Variants in NUP210 observed in about 807,000 individuals in gnomAD.
The protein encoded by NUP210 is nuclear pore membrane glycoprotein 210.
A neutral mutation model predicts 196.0 loss-of-function variants in NUP210; 151 were observed. The observed-to-expected ratio is 0.77, with a 90% CI of 0.67 to 0.88. NUP210 has a LOEUF of 0.88. Ranked by LOEUF, NUP210 falls within the 40% of genes least tolerant of loss-of-function variation. The pLI, the probability that NUP210 is intolerant of heterozygous loss-of-function variation, is 0.00. For missense variants in NUP210, 2,314 were observed against 2,493.7 expected, an observed-to-expected ratio of 0.93 and a Z score of 1.53; for synonymous variants, 1,070 against 1,052.7, an observed-to-expected ratio of 1.02 and a Z score of -0.32.
At chr3:13,344,930 C>A in intron 20 of NUP210, 1 of 985,466 alleles carries the variant, frequency 1.0e-6, no homozygotes, top group Non-Finnish European at 1.2e-6. Flanking sequence ...CCTGCATCCA[C>A]GTCAGCTCCT....
rs2124915936 is a variant in NUP210, at chr3:13,375,753, G to C, written c.1294-112C>G. The C allele has an allele frequency of 1.7e-6, 2 of 1,201,314 alleles. 1 individual carries two copies. Among genetic ancestry groups the C allele is most frequent in the Middle Eastern group, 5.7e-4 (2 of 3,500 alleles). The allele number at this position is 1,201,314 out of a possible 1,614,324, so 74.4% of individuals were successfully genotyped here. The stretch of plus-strand genomic sequence containing the variant: ...GGGATCGGGTCACAAAGGTGGATTT[G>C]GGGGAAGAGTGGAGAGGAAGGTGCC... On this transcript the variant is annotated intron_variant, in intron 10 of 39. Coordinates refer to ENST00000254508, the MANE Select transcript of NUP210 (RefSeq NM_024923.4).
intron 4 of NUP210, 145 bp downstream of exon 4, chr3:13,391,066 G>T: frequency 1.6e-6 from 1 of 636,424 alleles, no homozygotes; most frequent in Non-Finnish European, 2.8e-6. Flanking sequence ...TCCTCAATCA[G>T]ACACTCGGAA....
In NUP210 at chr3:13,323,562, C is replaced by A; in HGVS notation, c.4645-130G>T. ...TTTCACAGGTGGCAACACTGAGGCT[C>A]AAAGCCTAAACGCCTTGCTAGAATG... On this transcript the variant is annotated intron_variant, in intron 33 of 39. Transcript: ENST00000254508. This position sits in a 1 kb window ranked among gnomAD's most constrained non-coding sequence, Gnocchi z 4.3. 2.9e-6 allele frequency: 3 copies of A among 1,045,378 alleles called. No homozygotes were observed. The highest frequency in any genetic ancestry group is 4.2e-6 in the Non-Finnish European group (3 of 720,430). 64.8% of individuals were successfully genotyped at this position (1,045,378 alleles called of 1,614,324 possible). A position where few individuals can be genotyped will look rare whatever the true frequency, so the allele number is the denominator to read the frequency against.
At chr3:13,353,179 T>C (rs893415394) in intron 18 of NUP210, among the ~76,000 whole-genome samples, 2 of 152,144 alleles carry the variant, frequency 1.3e-5, no homozygotes, top group South Asian at 4.2e-4. Context: ...AAGAGGACAA[T>C]AGAAGTGCCT....
chr3:13,329,879 C>A (rs1015154885), intron 30 of NUP210, among the ~76,000 whole-genome samples: 19 of 152,230 alleles, frequency 1.2e-4, no homozygotes, highest in Admixed American at 1.2e-3. Flanking sequence ...CGGCCCAAAC[C>A]AGACAGACCC....
At chr3:13,394,100 A>G (rs1467403200) in intron 3 of NUP210, among the ~76,000 whole-genome samples, 1 of 152,174 alleles carries the variant, frequency 6.6e-6, no homozygotes, top group African/African-American at 2.4e-5. Flanking sequence ...CATCGAAGGG[A>G]AGAACAAGTC....
intron 1 of NUP210, among the ~76,000 whole-genome samples, chr3:13,412,170 C>A (rs1018012203): frequency 6.6e-6 from 1 of 151,810 alleles, no homozygotes; most frequent in Admixed American, 6.6e-5. Context: ...CCTCCTGCCT[C>A]AGCCTCAGGA....
intron 12 of NUP210, 108 bp downstream of exon 12, chr3:13,373,610 G>T (rs560520973): frequency 8.7e-7 from 1 of 1,146,652 alleles, no homozygotes; most frequent in East Asian, 2.4e-5. Flanking sequence ...CTAAGTACAG[G>T]ACCCAAGGTT....
chr3:13,351,696 C>T (rs755403186), intron 20 of NUP210, 183 bp downstream of exon 20: 22 of 569,246 alleles, frequency 3.9e-5, no homozygotes, highest in African/African-American at 3.4e-4. Context: ...GGGGGTCTCA[C>T]TATATTGTCC....
At chr3:13,407,967 A>G (rs189040931) in intron 1 of NUP210, among the ~76,000 whole-genome samples, 585 of 152,272 alleles carry the variant, frequency 3.8e-3, no homozygotes, top group Non-Finnish European at 6.2e-3. Flanking sequence ...GATCTTAGTA[A>G]TGGCTAAGGA....
chr3:13,337,926 A>G lies in NUP210; in HGVS notation c.3472-9T>C. ...TCCACCTGCACGAGGTCCTGGGGAA[A>G]CAGGGTGGCACTTAGGTGTGGGGAT... is the stretch of plus-strand genomic sequence containing the variant. On this transcript the variant is annotated splice_polypyrimidine_tract_variant and intron_variant, in intron 25 of 39. Coordinates refer to ENST00000254508, the MANE Select transcript of NUP210 (RefSeq NM_024923.4). The G allele has an allele frequency of 6.2e-7, 1 of 1,611,602 alleles. No homozygotes were observed.
chr3:13,359,086 T>A (rs1698284226), intron 15 of NUP210, among the ~76,000 whole-genome samples: 1 of 152,154 alleles, frequency 6.6e-6, no homozygotes, highest in Admixed American at 6.5e-5. Context: ...ATGCACTTGA[T>A]GGAGGACACG....
In NUP210 at chr3:13,316,267, C is replaced by A. The variant is rs1006329015; in HGVS notation, c.*1414G>T. The A allele has an allele frequency of 1.3e-5, 2 of 152,242 alleles. No homozygotes were observed. Among genetic ancestry groups the A allele is most frequent in the African/African-American group, 4.8e-5 (2 of 41,462 alleles). 9.4% of individuals were successfully genotyped at this position (152,242 alleles called of 1,614,324 possible). A position where few individuals can be genotyped will look rare whatever the true frequency, so the allele number is the denominator to read the frequency against. On this transcript the variant is annotated 3_prime_UTR_variant, in exon 40 of 40. Transcript: ENST00000254508. ...ATCACATAGAACTTTATTAAATAAA[C>A]CAGTAGAAAGGCTCCTATTTACATC...
At chr3:13,412,512 G>A (rs576152444) in intron 1 of NUP210, among the ~76,000 whole-genome samples, 5 of 152,050 alleles carry the variant, frequency 3.3e-5, no homozygotes, top group African/African-American at 7.2e-5. Flanking sequence ...TCGGGAGTTC[G>A]AGACCAGCCT....
At chr3:13,419,602 G>A (rs569007623) in intron 1 of NUP210, among the ~76,000 whole-genome samples, 2 of 152,178 alleles carry the variant, frequency 1.3e-5, no homozygotes, top group South Asian at 4.1e-4. Context: ...GCTAGGCGCT[G>A]CGCTTCGTTT....
chr3:13,330,517 G>T lies in NUP210; in HGVS notation c.4053C>A (p.Ile1351=), dbSNP rs141087015. 3.1e-5 allele frequency: 50 copies of T among 1,614,086 alleles called. No individual in the cohort carries two copies. Among genetic ancestry groups the T allele is most frequent in the Non-Finnish European group, 4.2e-5 (50 of 1,180,030 alleles). The change falls in exon 30 of 40, where the codon ATC becomes ATA. Residue 1351 remains isoleucine (I), a synonymous_variant. Coordinates refer to ENST00000254508, the MANE Select transcript of NUP210 (RefSeq NM_024923.4). ...ASGSMIGTST[I]EVIAQEPFGA... is the part of the protein sequence containing the mutation. ...CAAAGGGCTCTTGTGCAATCACTTC[G>T]ATGGTGGATGTCCCGATCATAGACC...
At chr3:13,331,750 C>A (rs1697004171) in intron 29 of NUP210, among the ~76,000 whole-genome samples, 1 of 152,208 alleles carries the variant, frequency 6.6e-6, no homozygotes, top group South Asian at 2.1e-4. Context: ...TGGCAACTGC[C>A]ATTCAAATGC....
At chr3:13,403,634 G>A (rs1699912268) in intron 1 of NUP210, among the ~76,000 whole-genome samples, 1 of 152,188 alleles carries the variant, frequency 6.6e-6, no homozygotes, top group Non-Finnish European at 1.5e-5. Flanking sequence ...GGGCTCTCAT[G>A]TCCTGGGGTC....
At chr3:13,412,671 G>A (rs918440076) in intron 1 of NUP210, among the ~76,000 whole-genome samples, 3 of 151,448 alleles carry the variant, frequency 2.0e-5, no homozygotes, top group Non-Finnish European at 4.4e-5. Flanking sequence ...CCAAGATCTT[G>A]CCACTGTACT....
Sources: gnomAD v4.1 joint callset for allele counts (sites outside exome capture counted in the v4.1 genomes callset) on GRCh38, gnomAD v4.1.1 for gene constraint, Gnocchi (gnomAD v3.1) non-coding constraint, MANE v1.5 for transcripts, NCBI Gene and HGNC (gene_info 2026-07-23, HGNC 2026-07-21) for gene names.